Variants in KLRD1 observed in about 807,000 individuals in gnomAD.
The protein encoded by KLRD1 is killer cell lectin like receptor D1.
In KLRD1, 21 loss-of-function variants were observed where a neutral mutation model predicts 22.6. The observed-to-expected ratio is 0.93, with a 90% CI of 0.66 to 1.34. The LOEUF (loss-of-function observed/expected upper bound fraction) is 1.34. Ranked by LOEUF, KLRD1 falls within the 40% of genes most tolerant of loss-of-function variation. The pLI is 0.00. For missense variants in KLRD1, 183 were observed against 208.6 expected (o/e 0.88, Z 0.76); for synonymous variants, 59 against 71.1 (o/e 0.83, Z 0.85).
rs1260740929 is a variant in KLRD1, at chr12:10,324,223, A to G, written c.*9430A>G. The G allele has an allele frequency of 5.9e-5, 9 of 152,146 alleles. No individual in the cohort carries two copies. The highest frequency in any genetic ancestry group is 2.0e-4 in the Admixed American group (3 of 15,254). The allele number at this position is 152,146 out of a possible 1,614,324, so 9.4% of individuals were successfully genotyped here. A position where few individuals can be genotyped will look rare whatever the true frequency, so the allele number is the denominator to read the frequency against. On this transcript the variant is annotated 3_prime_UTR_variant, in exon 6 of 6. Transcript: ENST00000336164. ...AGTAAAGTATGTTTCTTGTACCTCA[A>G]TATGCTTAATTTTTTCCTTCTGGCT...
upstream of KLRD1, among the ~76,000 whole-genome samples, chr12:10,306,206 G>A (rs1209832144): frequency 6.6e-6 from 1 of 151,798 alleles, no homozygotes; most frequent in Admixed American, 6.6e-5. Context: ...AACAATCAGA[G>A]TTGGCAGCTC....
chr12:10,311,356 T>C, intron 3 of KLRD1, 108 bp from the exon 4 acceptor site: 1 of 1,050,172 alleles, frequency 9.5e-7, no homozygotes. Flanking sequence ...TACAGTAGAT[T>C]CTGAATGTTA....
intron 1 of KLRD1, among the ~76,000 whole-genome samples, chr12:10,286,673 T>TG (rs1949707898): frequency 7.1e-6 from 1 of 141,138 alleles, no homozygotes; most frequent in East Asian, 2.0e-4. Context: ...TTTTTTTTTT[T>TG]TTTTTTTTTT....
At chr12:10,249,036 G>C (rs985071919) in intron 1 of KLRD1, among the ~76,000 whole-genome samples, 2 of 152,026 alleles carry the variant, frequency 1.3e-5, no homozygotes, top group African/African-American at 4.8e-5. Context: ...AATTCCATTT[G>C]CATCTATAAT....
intron 3 of KLRD1, 121 bp downstream of exon 3, chr12:10,309,809 G>A: frequency 1.4e-6 from 1 of 692,218 alleles, no homozygotes; most frequent in Non-Finnish European, 2.6e-6. Context: ...GCCTACCAGT[G>A]TAGGATAGTC....
At chr12:10,248,877 C>T (rs55855636) in intron 1 of KLRD1, among the ~76,000 whole-genome samples, 27,927 of 151,912 alleles carry the variant, frequency 0.18, 2,957 homozygotes, top group Non-Finnish European at 0.24. Flanking sequence ...GGATTACAGG[C>T]GTGAGCCACC....
intron 1 of KLRD1, among the ~76,000 whole-genome samples, chr12:10,297,517 T>G (rs3887219): frequency 6.6e-6 from 1 of 152,182 alleles, no homozygotes; most frequent in African/African-American, 2.4e-5. Context: ...TAAAATAATT[T>G]TATATGCTTT....
intron 1 of KLRD1, among the ~76,000 whole-genome samples, chr12:10,282,366 C>G (rs1022711470): frequency 4.0e-5 from 6 of 151,708 alleles, no homozygotes; most frequent in Admixed American, 6.6e-5. Context: ...AAGTGATTCT[C>G]TTGCTTCAGC....
chr12:10,272,090 A>G (rs897630684), intron 1 of KLRD1, among the ~76,000 whole-genome samples: 2 of 152,226 alleles, frequency 1.3e-5, no homozygotes, highest in Non-Finnish European at 2.9e-5. Context: ...AAAATTGGAA[A>G]TAGAAGCAAG....
intron 1 of KLRD1, among the ~76,000 whole-genome samples, chr12:10,239,450 C>CTTAT (rs879901659): frequency 1.1e-4 from 4 of 37,588 alleles, no homozygotes; most frequent in African/African-American, 2.0e-4. Flanking sequence ...TCCTTCCTTC[C>CTTAT]TTCCTTCCTT....
At chr12:10,297,213 C>G (rs1172263163) in intron 1 of KLRD1, among the ~76,000 whole-genome samples, 1 of 152,176 alleles carries the variant, frequency 6.6e-6, no homozygotes, top group Non-Finnish European at 1.5e-5. Flanking sequence ...GACACCATCT[C>G]TTTTTGATCA....
intron 1 of KLRD1, among the ~76,000 whole-genome samples, chr12:10,299,181 C>CA (rs1949846768): frequency 7.4e-5 from 11 of 149,620 alleles, no homozygotes; most frequent in African/African-American, 2.5e-4. Flanking sequence ...TTCCATTCTG[C>CA]GTTTTTTTTT....
intron 1 of KLRD1, among the ~76,000 whole-genome samples, chr12:10,274,900 TC>T (rs1406935369): frequency 6.6e-6 from 1 of 152,186 alleles, no homozygotes; most frequent in Non-Finnish European, 1.5e-5. Flanking sequence ...TGTATCTTTT[TC>T]TTTTTTGGAG....
At chr12:10,304,806 A>T (rs1442345950), upstream of KLRD1, among the ~76,000 whole-genome samples, 5 of 152,348 alleles carry the variant, frequency 3.3e-5, no homozygotes, top group African/African-American at 9.6e-5. Context: ...AGCAAAACAC[A>T]CTATATATAA....
chr12:10,312,432 G>T (rs927191165), intron 4 of KLRD1, among the ~76,000 whole-genome samples: 33 of 151,248 alleles, frequency 2.2e-4, no homozygotes, highest in Non-Finnish European at 3.2e-4. Context: ...AGGCTGGAGT[G>T]CAGTGGCGTG....
At chr12:10,272,449 G>T (rs1949559124) in intron 1 of KLRD1, among the ~76,000 whole-genome samples, 1 of 152,118 alleles carries the variant, frequency 6.6e-6, no homozygotes, top group Non-Finnish European at 1.5e-5. Context: ...TCCTCTAAAA[G>T]TACCTGGTTA....
In KLRD1 at chr12:10,317,312, A is replaced by T. The variant is rs1242987629; in HGVS notation, c.*2519A>T. Reference sequence around the variant, plus strand: ...TACATTAATTATTAGTTCCTCCGTTAGTTGTGAAGTCCTAATTAGGGAAAA... The same window carrying T: ...TACATTAATTATTAGTTCCTCCGTTTGTTGTGAAGTCCTAATTAGGGAAAA... On this transcript the variant is annotated 3_prime_UTR_variant, in exon 6 of 6. Transcript: ENST00000336164. The T allele has an allele frequency of 6.6e-6, 1 of 152,156 alleles. No homozygotes were observed. The highest frequency in any genetic ancestry group is 1.5e-5 in the Non-Finnish European group (1 of 68,040). 9.4% of individuals were successfully genotyped at this position (152,156 alleles called of 1,614,324 possible). A position where few individuals can be genotyped will look rare whatever the true frequency, so the allele number is the denominator to read the frequency against.
At chr12:10,307,146 A>T (rs971209679), upstream of KLRD1, among the ~76,000 whole-genome samples, 1 of 152,170 alleles carries the variant, frequency 6.6e-6, no homozygotes, top group Admixed American at 6.5e-5. Flanking sequence ...TCTTCTGTAG[A>T]TGAAAAAGTG....
At position 10,328,759 on chromosome 12, in the gene KLRD1, G is replaced by A. The variant is rs1950383290; in HGVS notation, c.*13966G>A. The A allele has an allele frequency of 2.0e-5, 3 of 152,158 alleles. No individual in the cohort carries two copies. The South Asian group carries it at 6.2e-4, about 32-fold the overall frequency. 9.4% of individuals were successfully genotyped at this position (152,158 alleles called of 1,614,324 possible). A position where few individuals can be genotyped will look rare whatever the true frequency, so the allele number is the denominator to read the frequency against. ...AGTCCATTTTCACACTGTTGATAAA[G>A]ACTTAACTGAGAGACTGGGTAATTT... On this transcript the variant is annotated 3_prime_UTR_variant, in exon 6 of 6. Transcript: ENST00000336164.
Sources: gnomAD v4.1 joint callset for allele counts (sites outside exome capture counted in the v4.1 genomes callset) on GRCh38, gnomAD v4.1.1 for gene constraint, MANE v1.5 for transcripts, NCBI Gene and HGNC (gene_info 2026-07-23, HGNC 2026-07-21) for gene names.